The following TRHDE variants were observed in gnomAD, a reference collection of about 807,000 sequenced individuals.
The protein encoded by TRHDE is thyrotropin releasing hormone degrading enzyme, also known as thyrotropin-releasing hormone-degrading ectoenzyme.
Under a neutral mutation model 125.7 loss-of-function variants are expected in TRHDE, and 72 were observed. The ratio of observed to expected loss-of-function variants is 0.57; its 90% CI spans 0.47 to 0.70. The LOEUF is 0.70. TRHDE is among the 30% of genes least tolerant of loss of function. TRHDE has a pLI of 0.00. For missense variants in TRHDE, 1,110 were observed against 1,327.1 expected (o/e 0.84, Z 2.54); for synonymous variants, 509 against 509.1 (o/e 1.00, Z 0.00).
At chr12:72,446,404 A>G (rs1261796384) in intron 3 of TRHDE, among the ~76,000 whole-genome samples, 1 of 152,088 alleles carries the variant, frequency 6.6e-6, no homozygotes, top group Non-Finnish European at 1.5e-5. Context: ...CTGCAAAAAC[A>G]TGCCAAATTC....
At chr12:72,279,245 G>C (rs995808725) in intron 1 of TRHDE, among the ~76,000 whole-genome samples, 3 of 152,220 alleles carry the variant, frequency 2.0e-5, no homozygotes, top group Non-Finnish European at 4.4e-5. Context: ...ACTTACCTCT[G>C]TAAGTATGAC....
chr12:72,549,315 A>G (rs1261147031), intron 7 of TRHDE, among the ~76,000 whole-genome samples: 2 of 151,862 alleles, frequency 1.3e-5, no homozygotes, highest in African/African-American at 2.4e-5. Flanking sequence ...TACATTTGTG[A>G]GAGAGTGTTT....
At chr12:72,181,961 T>A (rs1877104458) in intron 2 of TRHDE, among the ~76,000 whole-genome samples, 1 of 152,186 alleles carries the variant, frequency 6.6e-6, no homozygotes, top group African/African-American at 2.4e-5. Context: ...CACATTGCAA[T>A]AAAAGTAGAA....
chr12:72,543,561 T>C (rs907540500), intron 7 of TRHDE, among the ~76,000 whole-genome samples: 3 of 151,394 alleles, frequency 2.0e-5, no homozygotes, highest in Non-Finnish European at 3.0e-5. Flanking sequence ...GGAATGTCCT[T>C]CTTTATCCCC....
At chr12:72,102,983 A>C (rs1189393507) in intron 1 of TRHDE, among the ~76,000 whole-genome samples, 1 of 152,236 alleles carries the variant, frequency 6.6e-6, no homozygotes, top group Non-Finnish European at 1.5e-5. Context: ...CAGGACAACT[A>C]ACAATCCTTG....
At chr12:72,410,801 T>G in intron 3 of TRHDE, among the ~76,000 whole-genome samples, 1 of 151,668 alleles carries the variant, frequency 6.6e-6, no homozygotes, top group East Asian at 1.9e-4. Flanking sequence ...CAGACAATGA[T>G]GCTGGCTGGC....
At chr12:72,283,579 T>G (rs1879772886) in intron 1 of TRHDE, among the ~76,000 whole-genome samples, 1 of 152,156 alleles carries the variant, frequency 6.6e-6, no homozygotes, top group Admixed American at 6.6e-5. Context: ...ATCTTTATAG[T>G]TCTTTTCAAC....
At chr12:72,462,241 GAGTT>G (rs1177869321) in intron 3 of TRHDE, among the ~76,000 whole-genome samples, 2 of 152,206 alleles carry the variant, frequency 1.3e-5, no homozygotes, top group African/African-American at 2.4e-5. Flanking sequence ...ACAGAAGTAA[GAGTT>G]AGGTCAGAAG....
At chr12:72,639,918 G>A (rs1239063606) in intron 15 of TRHDE, among the ~76,000 whole-genome samples, 1 of 152,060 alleles carries the variant, frequency 6.6e-6, no homozygotes, top group Non-Finnish European at 1.5e-5. Flanking sequence ...CTGTCAGACA[G>A]GGACACTTAA....
chr12:72,395,613 C>A (rs889769842), intron 3 of TRHDE, among the ~76,000 whole-genome samples: 14 of 152,002 alleles, frequency 9.2e-5, no homozygotes, highest in African/African-American at 3.4e-4. Flanking sequence ...TATAATATAT[C>A]ATTGTATCAT....
chr12:72,282,232 A>G lies in TRHDE; in HGVS notation c.915-4449A>G, dbSNP rs946804260. Among the ~76,000 whole-genome samples the G allele has an allele frequency of 4.7e-4, 72 of 152,120 alleles. 1 individual carries two copies. Among genetic ancestry groups the G allele is most frequent in the African/African-American group, 1.6e-3 (66 of 41,438 alleles). ...GCTGTTTTGTTTTACTTTTTGCTATATTTACATATATTTTTTCATGTCCAC... is the reference window on the plus strand; with the variant it reads ...GCTGTTTTGTTTTACTTTTTGCTATGTTTACATATATTTTTTCATGTCCAC... On this transcript the variant is annotated intron_variant, in intron 1 of 18. Transcript: ENST00000261180.
chr12:72,500,744 C>T (rs535024203), intron 6 of TRHDE, among the ~76,000 whole-genome samples: 4 of 151,798 alleles, frequency 2.6e-5, no homozygotes, highest in Admixed American at 6.6e-5. Context: ...CATGAATAAC[C>T]GCATGGAAAT....
At chr12:72,217,646 G>A (rs892798903) in intron 2 of TRHDE, among the ~76,000 whole-genome samples, 5 of 152,078 alleles carry the variant, frequency 3.3e-5, no homozygotes, top group East Asian at 3.9e-4. Context: ...GAAGAACAGT[G>A]CATATACATT....
At chr12:72,344,421 G>A (rs1462420487) in intron 2 of TRHDE, among the ~76,000 whole-genome samples, 2 of 152,210 alleles carry the variant, frequency 1.3e-5, no homozygotes, top group East Asian at 3.9e-4. Flanking sequence ...ATTTGCTGCT[G>A]AGGAAGTTAA....
chr12:72,235,177 C>T (rs535239085), intron 2 of TRHDE, among the ~76,000 whole-genome samples: 2 of 152,174 alleles, frequency 1.3e-5, no homozygotes, highest in East Asian at 3.9e-4. Flanking sequence ...CTGGCAGAAG[C>T]GACAAATATA....
rs1420090997 is a variant in TRHDE at position 72,666,437 on chromosome 12, C to T, written c.*3242C>T. The T allele has an allele frequency of 6.6e-6, 1 of 152,056 alleles. No homozygotes were observed. The highest frequency in any genetic ancestry group is 1.5e-5 in the Non-Finnish European group (1 of 68,028). 9.4% of individuals were successfully genotyped at this position (152,056 alleles called of 1,614,324 possible). A position where few individuals can be genotyped will look rare whatever the true frequency, so the allele number is the denominator to read the frequency against. On this transcript the variant is annotated 3_prime_UTR_variant, in exon 19 of 19. Transcript: ENST00000261180. ...GCATGGTGGTGTGCACCTGTTGTCC[C>T]AGCTACTGGGGAGGCTGAGGTGGGA... is the stretch of plus-strand genomic sequence containing the variant.
intron 3 of TRHDE, among the ~76,000 whole-genome samples, chr12:72,425,332 A>G (rs1316793267): frequency 6.6e-6 from 1 of 152,106 alleles, no homozygotes; most frequent in Non-Finnish European, 1.5e-5. Flanking sequence ...CCTGCTGAAT[A>G]TAGTTAATAT....
intron 12 of TRHDE, 104 bp downstream of exon 12, chr12:72,575,646 A>G: frequency 9.1e-7 from 1 of 1,103,376 alleles, no homozygotes; most frequent in Non-Finnish European, 1.3e-6. Flanking sequence ...CATTTAAAAA[A>G]ATCTATTTCT....
intron 3 of TRHDE, among the ~76,000 whole-genome samples, chr12:72,392,688 G>C (rs910626430): frequency 6.6e-6 from 1 of 152,144 alleles, no homozygotes; most frequent in Admixed American, 6.5e-5. Flanking sequence ...CAGATGGTTG[G>C]CCAGAATTGA....
Sources: gnomAD v4.1 joint callset for allele counts (sites outside exome capture counted in the v4.1 genomes callset) on GRCh38, gnomAD v4.1.1 for gene constraint, MANE v1.5 for transcripts, NCBI Gene and HGNC (gene_info 2026-07-23, HGNC 2026-07-21) for gene names.